The following ZZEF1 variants were observed in gnomAD, a reference collection of about 807,000 sequenced individuals.
ZZEF1 encodes zinc finger ZZ-type and EF-hand domain-containing protein 1.
Under a neutral mutation model 342.8 loss-of-function variants are expected in ZZEF1, and 157 were observed. The observed-to-expected ratio is 0.46, with a 90% CI of 0.40 to 0.52. The LOEUF is 0.52. Among genes scored for constraint, ZZEF1 ranks in the 20% least tolerant of loss-of-function variants. ZZEF1 has a pLI of 0.00. For missense variants in ZZEF1, 3,480 were observed against 3,725.6 expected, an observed-to-expected ratio of 0.93 and a Z score of 1.72; for synonymous variants, 1,505 against 1,429.1, an observed-to-expected ratio of 1.05 and a Z score of -1.20.
In ZZEF1 at chr17:4,085,700, C is replaced by G. The variant is rs1486722527; in HGVS notation, c.2616G>C (p.Gln872His). 2 of 1,614,048 alleles carry G rather than the reference C, an allele frequency of 1.2e-6. No individual in the cohort carries two copies. The highest frequency in any genetic ancestry group is 1.1e-5 in the South Asian group (1 of 91,078). The change falls in exon 16 of 55, where the codon CAG (glutamine) becomes CAC (histidine). Residue 872 changes from glutamine to histidine, a missense_variant. Coordinates refer to ENST00000381638, the MANE Select transcript of ZZEF1 (RefSeq NM_015113.4). ...TGGTGAAGAGATGGTTCCGTCGGGT[C>G]TGTCGATTAGGAAAGAAGATGGCAG... ...NGAAIFFPNR[Q>H]TRRNHLFTMM...
At chr17:4,086,403 T>A in intron 15 of ZZEF1, 83 bp downstream of exon 15, 4 of 1,440,052 alleles carry the variant, frequency 2.8e-6, no homozygotes, top group Non-Finnish European at 9.5e-7. Context: ...CGCATCATCG[T>A]AGGACAGCCC....
chr17:4,092,381 C>T (rs2057962254), intron 11 of ZZEF1, among the ~76,000 whole-genome samples: 1 of 149,608 alleles, frequency 6.7e-6, no homozygotes, highest in Non-Finnish European at 1.5e-5. Flanking sequence ...TCACTGCAAC[C>T]TCCACCTCCC....
At chr17:4,070,236 A>C (rs1423083260) in intron 26 of ZZEF1, among the ~76,000 whole-genome samples, 1 of 152,344 alleles carries the variant, frequency 6.6e-6, no homozygotes. Context: ...ACATTCAAGA[A>C]CTTAAACATC....
In ZZEF1 at chr17:4,074,246, C is replaced by T. The variant is rs1263489853; in HGVS notation, c.3589G>A (p.Asp1197Asn). 2 of 1,614,130 alleles carry T rather than the reference C, an allele frequency of 1.2e-6. No homozygotes were observed. The highest frequency in any genetic ancestry group is 1.7e-6 in the Non-Finnish European group (2 of 1,180,030). ...KFTVTACGLP[D>N]VAVSWGLDLQ... The stretch of plus-strand genomic sequence containing the variant: ...TCCAGCCCCCAAGACACGGCAACAT[C>T]GGGCAGCCCACAGGCAGTGACAGTG... The change falls in exon 24 of 55, where the codon GAT becomes AAT. Residue 1197 changes from aspartate (D) to asparagine (N), a missense_variant. This residue lies in a region of ZZEF1 where 1,528 missense variants were observed against 1,624.1 expected (regional missense o/e 0.94). Transcript: ENST00000381638.
intron 11 of ZZEF1, among the ~76,000 whole-genome samples, chr17:4,093,305 G>C (rs1440148478): frequency 6.6e-6 from 1 of 152,174 alleles, no homozygotes; most frequent in African/African-American, 2.4e-5. Context: ...CACGTGTAAC[G>C]GAAGGGAGAT....
intron 54 of ZZEF1, 117 bp from the exon 55 acceptor site, chr17:4,007,087 G>C (rs2144906006): frequency 2.4e-5 from 21 of 861,106 alleles, no homozygotes; most frequent in South Asian, 3.5e-5. Context: ...GGAACCAGAT[G>C]TGTTCCCCTC....
Position 4,087,474 on chromosome 17 carries a change from A to T in ZZEF1, c.2302T>A (p.Leu768Met), listed in dbSNP as rs187409294. The change falls in exon 14 of 55, where the codon TTG becomes ATG. Residue 768 changes from leucine (L) to methionine (M), a missense_variant. Leu to Met is a conservative substitution (Grantham distance 15). Coordinates refer to ENST00000381638, the MANE Select transcript of ZZEF1 (RefSeq NM_015113.4). ...CTGTAAAAATTCCAGAAGATCTGCA[A>T]ATCAAGACCCGCGAAGTCCAGAAAA... ...KSFLDFAGLD[L>M]QIFWNFYSKL... The T allele has an allele frequency of 3.3e-4, 529 of 1,611,810 alleles. 4 individuals carry two copies. The East Asian group carries it at 5.6e-3, about 17-fold the overall frequency.
chr17:4,080,299 C>T (rs1056563923), intron 18 of ZZEF1, among the ~76,000 whole-genome samples: 7 of 151,978 alleles, frequency 4.6e-5, no homozygotes, highest in South Asian at 2.1e-4. Context: ...GATTAGTCCA[C>T]GAAATTGCTA....
chr17:4,031,040 C>T (rs973040514), intron 42 of ZZEF1, among the ~76,000 whole-genome samples: 2 of 150,978 alleles, frequency 1.3e-5, no homozygotes, highest in Non-Finnish European at 2.9e-5. Context: ...TTAGGCTGGG[C>T]GCAGTGGCTC....
chr17:4,076,191 G>T (rs1331560093), intron 21 of ZZEF1: 1 of 143,104 alleles, frequency 7.0e-6, no homozygotes, highest in Admixed American at 7.2e-5. Context: ...GAGTGCAGTG[G>T]CGCAATCTCG....
At chr17:4,024,506 A>G (rs980182489) in intron 43 of ZZEF1, among the ~76,000 whole-genome samples, 7 of 152,086 alleles carry the variant, frequency 4.6e-5, no homozygotes, top group Admixed American at 6.6e-5. Flanking sequence ...GCCATCGCCC[A>G]GCTTTTCAAC....
chr17:4,024,907 G>A lies in ZZEF1; in HGVS notation c.7092+12C>T. ...GCCAGATCCACTGCCAACTGGAGAAGCTCCCCATTACCTTTAGTGTTTTAT... is the reference window on the plus strand; with the variant it reads ...GCCAGATCCACTGCCAACTGGAGAAACTCCCCATTACCTTTAGTGTTTTAT... On this transcript the variant is annotated intron_variant, in intron 43 of 54. Coordinates refer to ENST00000381638, the MANE Select transcript of ZZEF1 (RefSeq NM_015113.4). 1 of 1,613,650 alleles carries A rather than the reference G, an allele frequency of 6.2e-7. No homozygotes were observed. The highest frequency in any genetic ancestry group is 8.5e-7 in the Non-Finnish European group (1 of 1,179,542).
chr17:4,117,292 C>T, intron 2 of ZZEF1, 126 bp from the exon 3 acceptor site: 1 of 712,544 alleles, frequency 1.4e-6, no homozygotes, highest in South Asian at 2.0e-5. Flanking sequence ...TTGATATTTT[C>T]AGTTTTAATT....
Position 4,064,643 on chromosome 17 carries a change from G to A in ZZEF1, c.4436C>T (p.Ala1479Val), listed in dbSNP as rs559684855. The change falls in exon 29 of 55, where the codon GCC becomes GTC. Residue 1479 changes from alanine to valine, a missense_variant. This residue lies in a region of ZZEF1 where 1,528 missense variants were observed against 1,624.1 expected (regional missense o/e 0.94). Coordinates refer to ENST00000381638, the MANE Select transcript of ZZEF1 (RefSeq NM_015113.4). ...HFQASVSPTEAAPPATGDQSP... is the reference protein window; with the variant it reads ...HFQASVSPTEVAPPATGDQSP... ...CTGGTCTCCTGTGGCAGGGGGTGCG[G>A]CTTCAGTGGGAGATACTGAGGCTTG... 1 of 1,614,194 alleles carries A rather than the reference G, an allele frequency of 6.2e-7. No individual in the cohort carries two copies. Among genetic ancestry groups the A allele is most frequent in the African/African-American group, 1.3e-5 (1 of 75,046 alleles).
Position 4,044,871 on chromosome 17 carries a change from G to A in ZZEF1, c.6016-497C>T, listed in dbSNP as rs545668824. On this transcript the variant is annotated intron_variant, in intron 37 of 54. Transcript: ENST00000381638. ...TATTCTAATTAAGACAGTAACTGTC[G>A]GGCTGGGTGTGATGGCTCATGTCTG... Among the ~76,000 whole-genome samples, 6 of 152,118 alleles carry A rather than the reference G, an allele frequency of 3.9e-5. No homozygotes were observed. The East Asian group carries it at 9.7e-4, about 25-fold the overall frequency.
At chr17:4,046,122 C>T (rs906231355) in intron 37 of ZZEF1, among the ~76,000 whole-genome samples, 4 of 152,134 alleles carry the variant, frequency 2.6e-5, no homozygotes, top group Admixed American at 1.3e-4. Flanking sequence ...CCACCACGCC[C>T]GGCCTCTTTA....
chr17:4,070,696 G>A lies in ZZEF1; in HGVS notation c.4063C>T (p.Leu1355=). Residue 1355 remains leucine (L), a synonymous_variant, in exon 26 of 55, where the codon CTG becomes TTG. Transcript: ENST00000381638. ...VYRTPDLYEK[L]QKYVNSGGKI... The stretch of plus-strand genomic sequence containing the variant: ...GTAATAAAGTTACCATATTTTTGCA[G>A]CTTCTCATATAAATCTGGAGTGCGA... 6 of 1,612,370 alleles carry A rather than the reference G, an allele frequency of 3.7e-6. No homozygotes were observed. The highest frequency in any genetic ancestry group is 5.1e-6 in the Non-Finnish European group (6 of 1,179,430).
rs1444837604 is a variant in ZZEF1, at chr17:4,102,535, G to A, written c.1574-120C>T. 6 of 788,694 alleles carry A rather than the reference G, an allele frequency of 7.6e-6. No individual in the cohort carries two copies. In the African/African-American group the frequency reaches 8.7e-5, roughly 11 times the overall value. The allele number at this position is 788,694 out of a possible 1,614,324, so 48.9% of individuals were successfully genotyped here. A position where few individuals can be genotyped will look rare whatever the true frequency, so the allele number is the denominator to read the frequency against. ...CAGACTGCTAACTAAAAATCTCCCTGTTTAAAAGCTGAAATAGAGCAGTAA... is the reference window on the plus strand; with the variant it reads ...CAGACTGCTAACTAAAAATCTCCCTATTTAAAAGCTGAAATAGAGCAGTAA... On this transcript the variant is annotated intron_variant, in intron 8 of 54. Transcript: ENST00000381638.
rs1008721344 is a variant in ZZEF1, at chr17:4,016,770, T to C, written c.8002-304A>G. On this transcript the variant is annotated intron_variant, in intron 48 of 54. Coordinates refer to ENST00000381638, the MANE Select transcript of ZZEF1 (RefSeq NM_015113.4). This position sits in a 1 kb window ranked among gnomAD's most constrained non-coding sequence, Gnocchi z 4.4. Reference sequence around the variant, plus strand: ...AGGAGTCCCCAGCCAAGCAGGTGGATTGGCCTATGGATAAATAATGACCAC... The same window carrying C: ...AGGAGTCCCCAGCCAAGCAGGTGGACTGGCCTATGGATAAATAATGACCAC... The C allele has an allele frequency of 3.2e-6, 1 of 308,814 alleles. No individual in the cohort carries two copies. The highest frequency in any genetic ancestry group is 6.0e-6 in the Non-Finnish European group (1 of 166,972). The allele number at this position is 308,814 out of a possible 1,614,324, so 19.1% of individuals were successfully genotyped here.
Sources: gnomAD v4.1 joint callset for allele counts (sites outside exome capture counted in the v4.1 genomes callset) on GRCh38, gnomAD v4.1.1 for gene constraint, gnomAD v4.1.1 regional missense constraint, Gnocchi (gnomAD v3.1) non-coding constraint, MANE v1.5 for transcripts, NCBI Gene and HGNC (gene_info 2026-07-23, HGNC 2026-07-21) for gene names.